The following TNKS variants were observed in gnomAD, a reference collection of about 807,000 sequenced individuals.
The protein encoded by TNKS is tankyrase, also known as poly [ADP-ribose] polymerase tankyrase-1.
Under a neutral mutation model 135.8 loss-of-function variants are expected in TNKS, and 72 were observed. That is an observed-to-expected ratio of 0.53 (90% CI 0.44 to 0.64). The LOEUF is 0.64. Ranked by LOEUF, TNKS falls within the 30% of genes least tolerant of loss-of-function variation. The pLI is 0.00. For synonymous variants in TNKS, 849 were observed against 649.3 expected, an observed-to-expected ratio of 1.31 and a Z score of -4.68; for missense variants, 1,769 against 1,674.0, an observed-to-expected ratio of 1.06 and a Z score of -0.99.
intron 3 of TNKS, among the ~76,000 whole-genome samples, chr8:9,664,269 G>A (rs1026663479): frequency 1.3e-5 from 2 of 152,134 alleles, no homozygotes; most frequent in African/African-American, 4.8e-5. Flanking sequence ...GTGCAAAGAC[G>A]ACATGGCAAG....
Position 9,659,239 on chromosome 8 carries a change from T to C in TNKS, c.995-20712T>C, listed in dbSNP as rs538626988. ...TCCGCTCTGCACCAAGTGGACCTAA[T>C]AGACATCTACAGAACTCTCCACCCC... On this transcript the variant is annotated intron_variant, in intron 3 of 26. Transcript: ENST00000310430. 2.6e-5 allele frequency among the ~76,000 whole-genome samples: 4 copies of C among 152,296 alleles called. No individual in the cohort carries two copies. The South Asian group carries it at 8.3e-4, about 32-fold the overall frequency.
At chr8:9,686,187 T>C (rs1271148147) in intron 5 of TNKS, among the ~76,000 whole-genome samples, 1 of 152,174 alleles carries the variant, frequency 6.6e-6, no homozygotes, top group Non-Finnish European at 1.5e-5. Flanking sequence ...TAGTTTCTTT[T>C]TTTGTAATTC....
intron 3 of TNKS, among the ~76,000 whole-genome samples, chr8:9,631,295 A>G (rs1800279163): frequency 6.6e-6 from 1 of 152,210 alleles, no homozygotes; most frequent in Non-Finnish European, 1.5e-5. Context: ...GTCAATCATG[A>G]GCCATTTTAG....
At chr8:9,569,268 A>T (rs1797669383) in intron 1 of TNKS, among the ~76,000 whole-genome samples, 1 of 152,226 alleles carries the variant, frequency 6.6e-6, no homozygotes, top group South Asian at 2.1e-4. Flanking sequence ...GTGTGGACAT[A>T]GCTCCATAGC....
chr8:9,770,756 A>G (rs1447833873), intron 26 of TNKS, among the ~76,000 whole-genome samples: 1 of 152,252 alleles, frequency 6.6e-6, no homozygotes, highest in Non-Finnish European at 1.5e-5. Context: ...AGTATTTTAT[A>G]CTGTGCCTTC....
intron 3 of TNKS, among the ~76,000 whole-genome samples, chr8:9,640,815 C>A (rs971216246): frequency 6.9e-6 from 1 of 145,830 alleles, no homozygotes; most frequent in Non-Finnish European, 1.5e-5. Flanking sequence ...AACAAGATCA[C>A]TTCACAATTT....
intron 2 of TNKS, among the ~76,000 whole-genome samples, chr8:9,588,968 G>C (rs181483278): frequency 1.3e-5 from 2 of 152,246 alleles, no homozygotes; most frequent in Admixed American, 1.3e-4. Context: ...GGGGAAAGAT[G>C]ACAGCATTCA....
Position 9,722,174 on chromosome 8 carries a change from A to G in TNKS, c.1921+1629A>G, listed in dbSNP as rs563882751. On this transcript the variant is annotated intron_variant, in intron 12 of 26. Transcript: ENST00000310430. Reference sequence around the variant, plus strand: ...TTATGTAAATAGATTGGACACAACTATATTAGAAGACAAAACATGACCCCA... The same window carrying G: ...TTATGTAAATAGATTGGACACAACTGTATTAGAAGACAAAACATGACCCCA... Among the ~76,000 whole-genome samples, 5 of 152,294 alleles carry G rather than the reference A, an allele frequency of 3.3e-5. No homozygotes were observed. In the South Asian group the frequency reaches 6.2e-4, roughly 19 times the overall value.
intron 3 of TNKS, among the ~76,000 whole-genome samples, chr8:9,641,292 T>G (rs1383424061): frequency 6.9e-6 from 1 of 144,914 alleles, no homozygotes; most frequent in Non-Finnish European, 1.5e-5. Flanking sequence ...ATTTTTTTTT[T>G]TTTTTTACCA....
At chr8:9,772,328 A>G in intron 26 of TNKS, 1 of 450,940 alleles carries the variant, frequency 2.2e-6, no homozygotes, top group African/African-American at 2.0e-5. Flanking sequence ...CAAAATCAAC[A>G]TCACCAATGA....
chr8:9,594,182 C>T (rs1288671021), intron 2 of TNKS, among the ~76,000 whole-genome samples: 15 of 152,284 alleles, frequency 9.9e-5, no homozygotes, highest in East Asian at 5.8e-4. Context: ...CCACTGCGCC[C>T]GGCTATCTCC....
At chr8:9,583,883 C>T (rs373576040) in intron 2 of TNKS, among the ~76,000 whole-genome samples, 9 of 149,890 alleles carry the variant, frequency 6.0e-5, no homozygotes, top group East Asian at 2.1e-4. Context: ...ATCTGGGAGT[C>T]GGAGGGTGCG....
At chr8:9,682,678 A>G (rs1563164950) in intron 5 of TNKS, among the ~76,000 whole-genome samples, 1 of 152,110 alleles carries the variant, frequency 6.6e-6, no homozygotes, top group South Asian at 2.1e-4. Flanking sequence ...AGAAGCTTAG[A>G]ATAGAACTTT....
intron 3 of TNKS, among the ~76,000 whole-genome samples, chr8:9,646,272 G>C (rs771862844): frequency 6.6e-6 from 1 of 150,796 alleles, no homozygotes; most frequent in Non-Finnish European, 1.5e-5. Context: ...TATTTTTTTC[G>C]CTTAGTTCTT....
chr8:9,741,956 A>G (rs150828924), intron 17 of TNKS, among the ~76,000 whole-genome samples: 5 of 152,192 alleles, frequency 3.3e-5, no homozygotes, highest in Admixed American at 6.5e-5. Flanking sequence ...TTTTTTCACT[A>G]TCTCTTTTTA....
At chr8:9,764,643 G>T in intron 22 of TNKS, 73 bp from the exon 23 acceptor site, 1 of 1,140,130 alleles carries the variant, frequency 8.8e-7, no homozygotes, top group Non-Finnish European at 1.2e-6. Flanking sequence ...TATTAATACT[G>T]AATTTTAGAC....
Position 9,748,038 on chromosome 8 carries a change from G to A in TNKS, c.2658G>A (p.Ala886=), listed in dbSNP as rs769704036. The change falls in exon 18 of 27, where the codon GCG becomes GCA. Residue 886 remains alanine, a synonymous_variant. Transcript: ENST00000310430. Reference sequence around the variant, plus strand: ...TTTTTTTTCAGCATGTTGACATAGCGGCTTTATTGATAAAATACAACACGT... The same window carrying A: ...TTTTTTTTCAGCATGTTGACATAGCAGCTTTATTGATAAAATACAACACGT... The part of the protein sequence containing the change: ...NAASYGHVDI[A]ALLIKYNTCV... The A allele has an allele frequency of 2.0e-5, 32 of 1,606,380 alleles. No homozygotes were observed. Among genetic ancestry groups the A allele is most frequent in the South Asian group, 4.5e-5 (4 of 89,524 alleles).
At chr8:9,629,630 T>A (rs1800205951) in intron 3 of TNKS, among the ~76,000 whole-genome samples, 1 of 152,204 alleles carries the variant, frequency 6.6e-6, no homozygotes, top group African/African-American at 2.4e-5. Flanking sequence ...TTGTTTGAAA[T>A]GTTCTTTTCC....
Position 9,764,652 on chromosome 8 carries a change from A to T in TNKS, c.3373-64A>T, listed in dbSNP as rs1807328125. 5.6e-6 allele frequency: 7 copies of T among 1,256,590 alleles called. No individual in the cohort carries two copies. The South Asian group carries it at 1.0e-4, about 19-fold the overall frequency. 77.8% of individuals were successfully genotyped at this position (1,256,590 alleles called of 1,614,324 possible). ...TTTATTTATTAATACTGAATTTTAG[A>T]CTCATCATTGTCTAGAATTACACAC... On this transcript the variant is annotated intron_variant, in intron 22 of 26. Transcript: ENST00000310430.
Sources: gnomAD v4.1 joint callset for allele counts (sites outside exome capture counted in the v4.1 genomes callset) on GRCh38, gnomAD v4.1.1 for gene constraint, MANE v1.5 for transcripts, NCBI Gene and HGNC (gene_info 2026-07-23, HGNC 2026-07-21) for gene names.